The following TRIQK variants were observed in gnomAD, a reference collection of about 807,000 sequenced individuals.
The protein encoded by TRIQK is triple QxxK/R motif containing.
A neutral mutation model predicts 10.8 loss-of-function variants in TRIQK; 10 were observed. The ratio of observed to expected loss-of-function variants is 0.92; its 90% CI spans 0.57 to 1.57. The LOEUF (loss-of-function observed/expected upper bound fraction) is 1.57, where lower values mean the gene tolerates loss of function less well. TRIQK is among the 40% of genes most tolerant of loss of function. The pLI is 0.00. For synonymous variants in TRIQK, 33 were observed against 33.7 expected, an observed-to-expected ratio of 0.98 and a Z score of 0.07; for missense variants, 107 against 97.7, an observed-to-expected ratio of 1.09 and a Z score of -0.40.
intron 3 of TRIQK, among the ~76,000 whole-genome samples, chr8:92,915,590 C>T (rs897435683): frequency 2.0e-5 from 3 of 151,452 alleles, no homozygotes; most frequent in South Asian, 2.1e-4. Flanking sequence ...TTCCCGGGTT[C>T]ACGCCATTCT....
intron 1 of TRIQK, among the ~76,000 whole-genome samples, chr8:93,003,011 CAAGGACACACA>C (rs1392133884): frequency 6.6e-6 from 1 of 151,730 alleles, no homozygotes; most frequent in East Asian, 1.9e-4. Flanking sequence ...CAAAACCAGA[CAAGGACACACA>C]AAAAGGGAAA....
At chr8:93,012,360 C>A (rs910493981) in intron 1 of TRIQK, among the ~76,000 whole-genome samples, 4 of 152,110 alleles carry the variant, frequency 2.6e-5, no homozygotes, top group African/African-American at 9.7e-5. Flanking sequence ...AGAGTGCCCA[C>A]GATTCTGTCC....
intron 2 of TRIQK, among the ~76,000 whole-genome samples, chr8:92,938,415 AC>A (rs1415657756): frequency 8.8e-4 from 134 of 152,070 alleles, no homozygotes; most frequent in Non-Finnish European, 4.4e-5. Context: ...CATACTTGCT[AC>A]TTTTAATGAT....
chr8:93,005,409 C>T (rs544074496), intron 1 of TRIQK, among the ~76,000 whole-genome samples: 1 of 152,286 alleles, frequency 6.6e-6, no homozygotes, highest in South Asian at 2.1e-4. Flanking sequence ...CACTAGGTCC[C>T]TCTCCCAACA....
At chr8:92,913,487 G>A (rs2130434825) in intron 3 of TRIQK, among the ~76,000 whole-genome samples, 1 of 152,294 alleles carries the variant, frequency 6.6e-6, no homozygotes, top group East Asian at 1.9e-4. Context: ...TGGAGAGGAT[G>A]TGGAGAAATA....
intron 1 of TRIQK, among the ~76,000 whole-genome samples, chr8:92,975,819 C>T (rs1812926226): frequency 6.6e-6 from 1 of 151,562 alleles, no homozygotes; most frequent in Non-Finnish European, 1.5e-5. Flanking sequence ...ATATAAATTC[C>T]CCTCCAATCC....
intron 2 of TRIQK, among the ~76,000 whole-genome samples, chr8:92,951,836 G>A (rs1177808286): frequency 1.3e-5 from 2 of 152,046 alleles, no homozygotes; most frequent in African/African-American, 4.8e-5. Context: ...TTTCCATGTG[G>A]AGGAAGAGAA....
intron 3 of TRIQK, among the ~76,000 whole-genome samples, chr8:92,909,644 G>C (rs1202688554): frequency 6.6e-6 from 1 of 151,692 alleles, no homozygotes; most frequent in Non-Finnish European, 1.5e-5. Context: ...CAAGCACTAA[G>C]CTTAGAGCTG....
intron 3 of TRIQK, among the ~76,000 whole-genome samples, chr8:92,911,068 C>G (rs1318248378): frequency 1.3e-5 from 2 of 151,240 alleles, no homozygotes; most frequent in African/African-American, 4.8e-5. Flanking sequence ...ATATCAAAAA[C>G]TGATATCATA....
At position 92,921,605 on chromosome 8, in the gene TRIQK, T is replaced by C. The variant is rs549741683; in HGVS notation, c.-21-4595A>G. The stretch of plus-strand genomic sequence containing the variant: ...ATGAAGATGATGACAGCCTGGATCA[T>C]GAATGACTGCATGGAGGACAGCTAT... On this transcript the variant is annotated intron_variant, in intron 2 of 4. Coordinates refer to ENST00000521988, the MANE Select transcript of TRIQK (RefSeq NM_001171797.2). 3.9e-5 allele frequency: 6 copies of C among 151,984 alleles called. No individual in the cohort carries two copies. In the East Asian group the frequency reaches 1.2e-3, roughly 29 times the overall value. The allele number at this position is 151,984 out of a possible 1,614,324, so 9.4% of individuals were successfully genotyped here.
At chr8:92,926,128 T>C (rs1363329608) in intron 2 of TRIQK, among the ~76,000 whole-genome samples, 1 of 150,400 alleles carries the variant, frequency 6.6e-6, no homozygotes, top group African/African-American at 2.5e-5. Context: ...GAAGAGTTGA[T>C]AAACTGTGGT....
Position 92,931,772 on chromosome 8 carries a change from C to A in TRIQK, c.-21-14762G>T, listed in dbSNP as rs574484694. 4.6e-5 allele frequency among the ~76,000 whole-genome samples: 7 copies of A among 152,204 alleles called. No homozygotes were observed. In the South Asian group the frequency reaches 6.2e-4, roughly 14 times the overall value. On this transcript the variant is annotated intron_variant, in intron 2 of 4. Coordinates refer to ENST00000521988, the MANE Select transcript of TRIQK (RefSeq NM_001171797.2). The stretch of plus-strand genomic sequence containing the variant: ...GCCCCATTCATTACAGCAAGATAAA[C>A]TTAAACCAGGACCATCCAGGACAGC...
chr8:92,915,883 A>G (rs1809813056), intron 3 of TRIQK, among the ~76,000 whole-genome samples: 1 of 151,916 alleles, frequency 6.6e-6, no homozygotes, highest in Non-Finnish European at 1.5e-5. Flanking sequence ...TCAGAAATAT[A>G]TTTTGCTTTA....
At chr8:93,009,513 G>T (rs1025119094) in intron 1 of TRIQK, among the ~76,000 whole-genome samples, 1 of 152,064 alleles carries the variant, frequency 6.6e-6, no homozygotes, top group African/African-American at 2.4e-5. Context: ...GGAGGCTGAG[G>T]CAGGAGAATC....
intron 1 of TRIQK, among the ~76,000 whole-genome samples, chr8:92,958,674 A>C (rs1387936039): frequency 5.3e-5 from 8 of 152,046 alleles, no homozygotes; most frequent in Non-Finnish European, 8.8e-5. Flanking sequence ...TAAGTCAAAC[A>C]CTGAAGGGCA....
upstream of TRIQK, among the ~76,000 whole-genome samples, chr8:92,970,867 G>C (rs376403729): frequency 2.6e-4 from 40 of 152,152 alleles, no homozygotes; most frequent in South Asian, 4.4e-3. Flanking sequence ...TGAAATCTTT[G>C]CCCATGTCTA....
intron 1 of TRIQK, among the ~76,000 whole-genome samples, chr8:92,988,316 T>C (rs2130748222): frequency 6.6e-6 from 1 of 152,230 alleles, no homozygotes; most frequent in East Asian, 1.9e-4. Context: ...GCACCCAGCC[T>C]ATACTTTCTT....
chr8:92,888,335 T>A (rs1816590146), intron 4 of TRIQK, among the ~76,000 whole-genome samples: 2 of 151,616 alleles, frequency 1.3e-5, no homozygotes. Context: ...CTGTATCATT[T>A]CACTATATAT....
At chr8:92,900,799 A>G (rs965374164) in intron 3 of TRIQK, among the ~76,000 whole-genome samples, 1 of 152,060 alleles carries the variant, frequency 6.6e-6, no homozygotes, top group South Asian at 2.1e-4. Context: ...ATTTTGATAG[A>G]GATTGCATTG....
Sources: allele counts gnomAD v4.1 joint callset (sites outside exome capture counted in the v4.1 genomes callset), GRCh38; gene constraint gnomAD v4.1.1; transcripts MANE v1.5; gene names NCBI Gene and HGNC (gene_info 2026-07-23, HGNC 2026-07-21).